Variants in RAB28 observed in about 807,000 individuals in gnomAD.
RAB28 encodes the protein RAB28, member RAS oncogene family.
Under a neutral mutation model 31.7 loss-of-function variants are expected in RAB28, and 24 were observed. The observed-to-expected ratio is 0.76, with a 90% CI of 0.55 to 1.06. The LOEUF (loss-of-function observed/expected upper bound fraction) is 1.06, where lower values mean the gene tolerates loss of function less well. Ranked by LOEUF, RAB28 falls within the 50% of genes least tolerant of loss-of-function variation. RAB28 has a pLI of 0.00. For missense variants in RAB28, 254 were observed against 258.5 expected (o/e 0.98, Z 0.12); for synonymous variants, 100 against 90.4 (o/e 1.11, Z -0.60).
intron 5 of RAB28, 56 bp from the exon 6 acceptor site, chr4:13,376,678 C>A: frequency 1.7e-6 from 2 of 1,170,526 alleles, no homozygotes; most frequent in African/African-American, 1.6e-5. Context: ...AAGTTATCTT[C>A]AAATAAACAG....
intron 4 of RAB28, among the ~76,000 whole-genome samples, chr4:13,440,336 T>C (rs958629935): frequency 6.6e-6 from 1 of 152,026 alleles, no homozygotes; most frequent in African/African-American, 2.4e-5. Context: ...ATTAGAAGTA[T>C]GAGGATAGAA....
rs890907803 is a variant in RAB28 at position 13,446,701 on chromosome 4, G to C, written c.391+13998C>G. ...CGCCCACTGCCTAACCAGTCCCAAT[G>C]AGATGAACTGGTACCTCAGTTGGAA... On this transcript the variant is annotated intron_variant, in intron 4 of 6. Transcript: ENST00000330852. Among the ~76,000 whole-genome samples, 5 of 152,164 alleles carry C rather than the reference G, an allele frequency of 3.3e-5. No individual in the cohort carries two copies. The East Asian group carries it at 7.8e-4, about 24-fold the overall frequency.
intron 4 of RAB28, among the ~76,000 whole-genome samples, chr4:13,395,635 AGAAC>A (rs139864497): frequency 0.039 from 5,936 of 152,156 alleles, 230 homozygotes; most frequent in African/African-American, 0.098. Context: ...AACAAGGGAG[AGAAC>A]GAACAGTCTT....
chr4:13,424,118 T>G (rs1024777681), intron 4 of RAB28, among the ~76,000 whole-genome samples: 1 of 152,228 alleles, frequency 6.6e-6, no homozygotes, highest in African/African-American at 2.4e-5. Context: ...GAAAAGTTTT[T>G]TAAGTATCTA....
chr4:13,402,780 ATAT>A (rs943185536), intron 4 of RAB28, among the ~76,000 whole-genome samples: 7 of 151,794 alleles, frequency 4.6e-5, no homozygotes, highest in African/African-American at 1.7e-4. Flanking sequence ...TCTGCCTCAT[ATAT>A]TATTATTATT....
rs1714452892 is a variant in RAB28 at position 13,442,183 on chromosome 4, A to C, written c.391+18516T>G. Among the ~76,000 whole-genome samples the C allele has an allele frequency of 2.6e-5, 4 of 152,192 alleles. No individual in the cohort carries two copies. In the South Asian group the frequency reaches 8.3e-4, roughly 31 times the overall value. ...CATTTAGTAGACTCAGCTTTTGTCC[A>C]CCATATGTCCACTGTGGATTAACTA... is the stretch of plus-strand genomic sequence containing the variant. On this transcript the variant is annotated intron_variant, in intron 4 of 6. Coordinates refer to ENST00000330852, the MANE Select transcript of RAB28 (RefSeq NM_001017979.3).
chr4:13,395,196 C>T (rs1321565535), intron 4 of RAB28, among the ~76,000 whole-genome samples: 4 of 151,958 alleles, frequency 2.6e-5, no homozygotes, highest in South Asian at 2.1e-4. Flanking sequence ...TTTAAAAATA[C>T]GCACTATGAT....
At chr4:13,427,641 A>T (rs1461952534) in intron 4 of RAB28, among the ~76,000 whole-genome samples, 1 of 152,208 alleles carries the variant, frequency 6.6e-6, no homozygotes, top group African/African-American at 2.4e-5. Flanking sequence ...TATATTTTTT[A>T]CTACTAAGCT....
At chr4:13,433,251 G>C (rs1713915713) in intron 4 of RAB28, among the ~76,000 whole-genome samples, 1 of 150,566 alleles carries the variant, frequency 6.6e-6, no homozygotes, top group South Asian at 2.1e-4. Context: ...ATTATATTTG[G>C]CTAAGAATTT....
At chr4:13,464,087 A>G (rs183074388) in intron 3 of RAB28, among the ~76,000 whole-genome samples, 2 of 152,214 alleles carry the variant, frequency 1.3e-5, no homozygotes, top group East Asian at 3.9e-4. Flanking sequence ...AGCCACTAGT[A>G]ACAGTAATGA....
rs761723483 is a variant in RAB28 at position 13,381,553 on chromosome 4, A to C, written c.433T>G (p.Leu145Val). 3.2e-5 allele frequency: 51 copies of C among 1,613,306 alleles called. No homozygotes were observed. In the Middle Eastern group the frequency reaches 1.8e-3, roughly 57 times the overall value. Residue 145 changes from leucine (L) to valine (V), a missense_variant, in exon 5 of 7, where the codon TTA becomes GTA. Physicochemically the swap from Leu to Val is conservative, Grantham distance 32. Transcript: ENST00000330852. ...HMRTIKPEKH[L>V]RFCQENGFSS... ...AAACCATTTTCCTGGCAAAACCGTA[A>C]GTGTTTTTCAGGTTTTATTGTTCGC...
At chr4:13,457,551 A>G (rs1193925803) in intron 4 of RAB28, among the ~76,000 whole-genome samples, 1 of 152,036 alleles carries the variant, frequency 6.6e-6, no homozygotes, top group Non-Finnish European at 1.5e-5. Flanking sequence ...TCATACTGAA[A>G]GAGTGTATTA....
At chr4:13,450,657 T>A (rs189438851) in intron 4 of RAB28, among the ~76,000 whole-genome samples, 1 of 151,986 alleles carries the variant, frequency 6.6e-6, no homozygotes, top group African/African-American at 2.4e-5. Flanking sequence ...ATATATCAGA[T>A]GACAATAAGA....
intron 4 of RAB28, among the ~76,000 whole-genome samples, chr4:13,435,557 C>A (rs1374643258): frequency 6.6e-6 from 1 of 152,140 alleles, no homozygotes; most frequent in Non-Finnish European, 1.5e-5. Context: ...CAACTGACAG[C>A]ACAGAACTAC....
At chr4:13,370,112 C>A (rs1728664640) in intron 6 of RAB28, 1 of 1,391,382 alleles carries the variant, frequency 7.2e-7, no homozygotes, top group Non-Finnish European at 9.3e-7. Flanking sequence ...ACATGTCTCA[C>A]ACACACACGC....
At chr4:13,458,160 T>C (rs552959497) in intron 4 of RAB28, among the ~76,000 whole-genome samples, 3 of 152,274 alleles carry the variant, frequency 2.0e-5, no homozygotes, top group Admixed American at 6.5e-5. Context: ...ACTAAAGCTT[T>C]TAAAAAAGCA....
intron 4 of RAB28, among the ~76,000 whole-genome samples, chr4:13,440,431 A>C (rs1714356016): frequency 2.6e-5 from 4 of 152,136 alleles, no homozygotes; most frequent in South Asian, 2.1e-4. Flanking sequence ...TTCTACTATT[A>C]TCAAAAAAGT....
chr4:13,434,087 CACTT>C (rs1445520861), intron 4 of RAB28, among the ~76,000 whole-genome samples: 1 of 152,132 alleles, frequency 6.6e-6, no homozygotes, highest in Non-Finnish European at 1.5e-5. Flanking sequence ...CACATGTTCT[CACTT>C]ACAAGTGGGA....
chr4:13,382,281 T>C (rs1175081673), intron 4 of RAB28, among the ~76,000 whole-genome samples: 1 of 152,180 alleles, frequency 6.6e-6, no homozygotes, highest in Non-Finnish European at 1.5e-5. Context: ...GCACAGTGTA[T>C]TTTTCCAAAT....
Sources: gnomAD v4.1 joint callset for allele counts (sites outside exome capture counted in the v4.1 genomes callset) on GRCh38, gnomAD v4.1.1 for gene constraint, MANE v1.5 for transcripts, NCBI Gene and HGNC (gene_info 2026-07-23, HGNC 2026-07-21) for gene names.